The following LTN1 variants were observed in gnomAD, a reference collection of about 807,000 sequenced individuals.
The protein encoded by LTN1 is listerin E3 ubiquitin protein ligase 1, also known as E3 ubiquitin-protein ligase listerin.
Under a neutral mutation model 201.2 loss-of-function variants are expected in LTN1, and 88 were observed. That is an observed-to-expected ratio of 0.44 (90% CI 0.37 to 0.52). The LOEUF is 0.52. Ranked by LOEUF, LTN1 falls within the 20% of genes least tolerant of loss-of-function variation. The pLI, the probability that LTN1 is intolerant of heterozygous loss-of-function variation, is 0.00. For missense variants in LTN1, 1,752 were observed against 2,038.7 expected, an observed-to-expected ratio of 0.86 and a Z score of 2.71; for synonymous variants, 645 against 713.5, an observed-to-expected ratio of 0.90 and a Z score of 1.53.
chr21:28,944,939 C>T (rs566239569), intron 21 of LTN1, among the ~76,000 whole-genome samples: 2 of 152,106 alleles, frequency 1.3e-5, no homozygotes, highest in South Asian at 2.1e-4. Flanking sequence ...ATAAGAAAAT[C>T]GGCCAGGCAC....
At chr21:28,935,757 A>G (rs932908328) in intron 26 of LTN1, among the ~76,000 whole-genome samples, 8 of 151,352 alleles carry the variant, frequency 5.3e-5, no homozygotes, top group East Asian at 2.0e-4. Flanking sequence ...GGAGAATGGC[A>G]TGAACCCGGA....
chr21:28,957,298 G>A, intron 15 of LTN1, 34 bp downstream of exon 15: 1 of 1,517,098 alleles, frequency 6.6e-7, no homozygotes, highest in Non-Finnish European at 8.8e-7. Flanking sequence ...CCAAACTTCA[G>A]AATGAGATAT....
In LTN1 at chr21:28,952,236, G is replaced by C. The variant is rs941438558; in HGVS notation, c.3268C>G (p.Leu1090Val). 1 of 1,609,430 alleles carries C rather than the reference G, an allele frequency of 6.2e-7. No individual in the cohort carries two copies. Residue 1090 changes from leucine to valine, a missense_variant, in exon 18 of 30, where the codon CTT becomes GTT. Coordinates refer to ENST00000361371, the MANE Select transcript of LTN1 (RefSeq NM_015565.3). ...RSREHGTLWS[L>V]IIAKLILSRS... ...GAAAGGATCAACTTAGCAATAATAA[G>C]AGACCACAGTGTGCCATGTTCTCTG...
chr21:28,946,049 C>T, intron 20 of LTN1, 98 bp from the exon 21 acceptor site: 1 of 1,426,572 alleles, frequency 7.0e-7, no homozygotes, highest in Non-Finnish European at 9.6e-7. Context: ...TTATAACTGA[C>T]TTAAATGTCT....
At chr21:28,959,981 A>G (rs2084462006) in intron 12 of LTN1, 1 of 272,856 alleles carries the variant, frequency 3.7e-6, no homozygotes, top group Non-Finnish European at 6.9e-6. Flanking sequence ...CTAAAAAAAA[A>G]AAACCCTTTA....
At chr21:28,956,100 A>T (rs189775224) in intron 16 of LTN1, among the ~76,000 whole-genome samples, 66 of 152,206 alleles carry the variant, frequency 4.3e-4, no homozygotes, top group South Asian at 2.3e-3. Flanking sequence ...AGTATAGTAG[A>T]CTGATGGTTA....
chr21:28,978,680 A>G (rs1600999428), intron 6 of LTN1, among the ~76,000 whole-genome samples: 1 of 152,140 alleles, frequency 6.6e-6, no homozygotes, highest in South Asian at 2.1e-4. Flanking sequence ...AGATGACAGA[A>G]TGGGAGCTTT....
At chr21:28,954,772 T>C (rs746816960) in intron 16 of LTN1, among the ~76,000 whole-genome samples, 7 of 152,190 alleles carry the variant, frequency 4.6e-5, no homozygotes, top group Non-Finnish European at 8.8e-5. Context: ...TCTCTCACCA[T>C]CTAAAAAGAT....
chr21:28,946,051 T>G (rs575544742), intron 20 of LTN1, 100 bp from the exon 21 acceptor site: 1 of 1,430,282 alleles, frequency 7.0e-7, no homozygotes, highest in South Asian at 1.3e-5. Context: ...ATAACTGACT[T>G]AAATGTCTAC....
intron 6 of LTN1, among the ~76,000 whole-genome samples, chr21:28,975,992 C>G (rs1306320190): frequency 6.6e-6 from 1 of 152,006 alleles, no homozygotes; most frequent in Non-Finnish European, 1.5e-5. Context: ...GAGAGTAATG[C>G]CTAGCTCCAT....
At chr21:28,988,602 T>G (rs2084719755) in intron 1 of LTN1, among the ~76,000 whole-genome samples, 1 of 152,172 alleles carries the variant, frequency 6.6e-6, no homozygotes, top group African/African-American at 2.4e-5. Flanking sequence ...TACATTTGTT[T>G]TCAATCTGTA....
intron 17 of LTN1, 80 bp from the exon 18 acceptor site, chr21:28,952,344 C>T (rs1170040242): frequency 1.2e-5 from 10 of 805,986 alleles, no homozygotes; most frequent in Non-Finnish European, 1.8e-5. Flanking sequence ...TAGCTGGATT[C>T]CTTTTACAGA....
chr21:28,971,738 C>G (rs1380416717), intron 6 of LTN1, among the ~76,000 whole-genome samples: 3 of 151,938 alleles, frequency 2.0e-5, no homozygotes, highest in Non-Finnish European at 4.4e-5. Context: ...TATAGCCAAA[C>G]AAACAGAAAA....
intron 11 of LTN1, among the ~76,000 whole-genome samples, chr21:28,965,535 G>GT (rs2084514407): frequency 6.6e-6 from 1 of 152,036 alleles, no homozygotes; most frequent in South Asian, 2.1e-4. Flanking sequence ...AGTAGAAAAA[G>GT]TAACTAGAAT....
chr21:28,950,610 A>T (rs2084374323), intron 18 of LTN1, among the ~76,000 whole-genome samples: 1 of 151,960 alleles, frequency 6.6e-6, no homozygotes, highest in African/African-American at 2.4e-5. Context: ...CCACCTCCTG[A>T]GCTCAAGTGA....
chr21:28,959,690 C>A lies in LTN1; in HGVS notation c.2361G>T (p.Leu787Phe). 1 of 1,597,654 alleles carries A rather than the reference C, an allele frequency of 6.3e-7. No individual in the cohort carries two copies. Among genetic ancestry groups the A allele is most frequent in the South Asian group, 1.1e-5 (1 of 87,810 alleles). Reference protein sequence around the residue: ...VLSQHVKNDYLIGDVYVERII... With the variant: ...VLSQHVKNDYFIGDVYVERII... Reference sequence around the variant, plus strand: ...TTCTTTCAACATATACGTCTCCAATCAAGTAATCTGGAGAAAAAAAGGTTC... The same window carrying A: ...TTCTTTCAACATATACGTCTCCAATAAAGTAATCTGGAGAAAAAAAGGTTC... The change falls in exon 13 of 30, where the codon TTG (leucine) becomes TTT (phenylalanine). Residue 787 changes from leucine (L) to phenylalanine (F), a missense_variant. By Grantham distance (22) the Leu-to-Phe change is conservative. This residue lies in a region of LTN1 where 1,211 missense variants were observed against 1,312.8 expected (regional missense o/e 0.92). Coordinates refer to ENST00000361371, the MANE Select transcript of LTN1 (RefSeq NM_015565.3).
intron 26 of LTN1, 112 bp from the exon 27 acceptor site, chr21:28,935,441 A>T (rs1341682238): frequency 1.5e-6 from 1 of 673,714 alleles, no homozygotes; most frequent in East Asian, 2.7e-5. Flanking sequence ...CAATAGTGCT[A>T]TAGCTCATAA....
chr21:28,966,516 C>T lies in LTN1; in HGVS notation c.1975G>A (p.Val659Met). The part of the protein sequence containing the change: ...IAKLVQKNPA[V>M]QFLYQKLIGW... Reference sequence around the variant, plus strand: ...ATCAGTTTCTGGTATAAAAACTGCACCGCAGGATTTTTTTGTACAAGCTTG... The same window carrying T: ...ATCAGTTTCTGGTATAAAAACTGCATCGCAGGATTTTTTTGTACAAGCTTG... Residue 659 changes from valine (V) to methionine (M), a missense_variant, in exon 10 of 30, where the codon GTG becomes ATG. Val to Met is a conservative substitution (Grantham distance 21, BLOSUM62 1). Around this residue, in one of 3 missense-constraint regions of LTN1, gnomAD observed 1,211 missense variants for 1,312.8 expected, o/e 0.92. Transcript: ENST00000361371. The T allele has an allele frequency of 1.9e-6, 3 of 1,614,096 alleles. No individual in the cohort carries two copies. The highest frequency in any genetic ancestry group is 1.7e-6 in the Non-Finnish European group (2 of 1,180,010).
At chr21:28,932,441 T>A in intron 28 of LTN1, 29 bp downstream of exon 28, 1 of 1,583,396 alleles carries the variant, frequency 6.3e-7, no homozygotes, top group Non-Finnish European at 8.6e-7. Flanking sequence ...TCCAAGTTTG[T>A]AAAGCCAAAT....
Sources: allele counts gnomAD v4.1 joint callset (sites outside exome capture counted in the v4.1 genomes callset), GRCh38; gene constraint gnomAD v4.1.1; regional missense constraint gnomAD v4.1.1; transcripts MANE v1.5; gene names NCBI Gene and HGNC (gene_info 2026-07-23, HGNC 2026-07-21).